SLC25A31: variants seen among roughly 807,000 people sequenced by gnomAD.
SLC25A31 encodes the protein solute carrier family 25 member 31.
A neutral mutation model predicts 36.2 loss-of-function variants in SLC25A31; 40 were observed. That is an observed-to-expected ratio of 1.10 (90% CI 0.86 to 1.44). SLC25A31 has a LOEUF of 1.44. SLC25A31 is among the 40% of genes most tolerant of loss of function. The probability of loss-of-function intolerance (pLI) is 0.00; values close to 1 mark genes in which losing one functional copy is unlikely to be tolerated. For missense variants in SLC25A31, 350 were observed against 397.1 expected, an observed-to-expected ratio of 0.88 and a Z score of 1.01; for synonymous variants, 143 against 149.7, an observed-to-expected ratio of 0.96 and a Z score of 0.32.
chr4:127,755,116 TATCTC>T (rs1246019283), intron 2 of SLC25A31, among the ~76,000 whole-genome samples: 3 of 152,210 alleles, frequency 2.0e-5, no homozygotes, highest in Admixed American at 6.5e-5. Flanking sequence ...ATTGGACTCT[TATCTC>T]ACACCATATA....
intron 5 of SLC25A31, among the ~76,000 whole-genome samples, chr4:127,771,653 A>C (rs1455740091): frequency 6.6e-6 from 1 of 152,164 alleles, no homozygotes; most frequent in Admixed American, 6.5e-5. Context: ...TATATTTACA[A>C]AGTAGTAACT....
At chr4:127,738,407 A>G (rs536885768) in intron 1 of SLC25A31, among the ~76,000 whole-genome samples, 81 of 152,256 alleles carry the variant, frequency 5.3e-4, no homozygotes, top group African/African-American at 1.8e-3. Flanking sequence ...TAATTTCCAT[A>G]TAATTTGTGC....
At chr4:127,753,276 T>C (rs1209355343) in intron 2 of SLC25A31, among the ~76,000 whole-genome samples, 2 of 150,586 alleles carry the variant, frequency 1.3e-5, no homozygotes, top group Admixed American at 6.6e-5. Flanking sequence ...CTTATAGAAC[T>C]AGAAAAAGAA....
chr4:127,761,301 T>C (rs1468127632), intron 2 of SLC25A31, among the ~76,000 whole-genome samples: 1 of 152,178 alleles, frequency 6.6e-6, no homozygotes, highest in African/African-American at 2.4e-5. Flanking sequence ...CTGCCTTCTT[T>C]CTCATCAAGA....
chr4:127,759,063 G>C (rs538359619), intron 2 of SLC25A31, among the ~76,000 whole-genome samples: 3 of 152,294 alleles, frequency 2.0e-5, no homozygotes, highest in Admixed American at 2.0e-4. Context: ...GCTTTGGGCA[G>C]TATGGTCATT....
At chr4:127,751,260 A>T (rs1731925677) in intron 2 of SLC25A31, among the ~76,000 whole-genome samples, 1 of 152,196 alleles carries the variant, frequency 6.6e-6, no homozygotes, top group Non-Finnish European at 1.5e-5. Context: ...GCCCTCAGAA[A>T]TAATACCAGG....
intron 2 of SLC25A31, among the ~76,000 whole-genome samples, chr4:127,749,285 A>G (rs770622588): frequency 6.6e-5 from 10 of 152,250 alleles, no homozygotes; most frequent in East Asian, 1.9e-4. Context: ...GACACCATCA[A>G]ATGTACAAAT....
chr4:127,735,402 T>C (rs960506783), intron 1 of SLC25A31, among the ~76,000 whole-genome samples: 19 of 152,320 alleles, frequency 1.2e-4, no homozygotes, highest in Non-Finnish European at 1.9e-4. Flanking sequence ...AACATTCAAG[T>C]TTCCCTAACA....
At chr4:127,730,901 A>C (rs1424759265) in intron 1 of SLC25A31, 124 bp downstream of exon 1, 18 of 944,398 alleles carry the variant, frequency 1.9e-5, no homozygotes, top group Non-Finnish European at 2.0e-5. Flanking sequence ...GTCGGTGATG[A>C]ATTTGCTTCT....
At chr4:127,731,128 G>A (rs187635335) in intron 1 of SLC25A31, among the ~76,000 whole-genome samples, 1 of 152,296 alleles carries the variant, frequency 6.6e-6, no homozygotes, top group Non-Finnish European at 1.5e-5. Flanking sequence ...GCTATAACTA[G>A]TGCTCTAAGT....
At chr4:127,750,462 G>A (rs1164879798) in intron 2 of SLC25A31, among the ~76,000 whole-genome samples, 4 of 152,116 alleles carry the variant, frequency 2.6e-5, no homozygotes, top group Non-Finnish European at 2.9e-5. Context: ...ATTGTAATTT[G>A]AACCATTTGT....
Position 127,742,486 on chromosome 4 carries a change from A to G in SLC25A31, c.233-2186A>G, listed in dbSNP as rs556015658. Among the ~76,000 whole-genome samples, 4 of 152,274 alleles carry G rather than the reference A, an allele frequency of 2.6e-5. No individual in the cohort carries two copies. In the South Asian group the frequency reaches 8.3e-4, roughly 32 times the overall value. On this transcript the variant is annotated intron_variant, in intron 1 of 5. Transcript: ENST00000281154. ...TAGTTACATTTCTTTTCTGCTATAT[A>G]AACTCCTAATTTTAGTGCATGAAAG...
intron 2 of SLC25A31, among the ~76,000 whole-genome samples, chr4:127,746,190 C>T (rs1398653101): frequency 6.6e-6 from 1 of 152,158 alleles, no homozygotes; most frequent in Non-Finnish European, 1.5e-5. Context: ...ACCACATTTT[C>T]TTTATCCAAT....
intron 2 of SLC25A31, among the ~76,000 whole-genome samples, chr4:127,760,213 C>T (rs187256708): frequency 6.6e-6 from 1 of 152,138 alleles, no homozygotes; most frequent in African/African-American, 2.4e-5. Context: ...TTTATAGTCT[C>T]TCTGTATATT....
chr4:127,737,558 T>C (rs990184338), intron 1 of SLC25A31, among the ~76,000 whole-genome samples: 2 of 152,052 alleles, frequency 1.3e-5, no homozygotes, highest in South Asian at 2.1e-4. Context: ...TACTACTCTT[T>C]TTTTTTTTTT....
chr4:127,762,233 ATAT>A lies in SLC25A31; in HGVS notation c.361-2005_361-2003del, dbSNP rs1225756727. Among the ~76,000 whole-genome samples, 4 of 152,370 alleles carry A rather than the reference ATAT, an allele frequency of 2.6e-5. No individual in the cohort carries two copies. The East Asian group carries it at 7.7e-4, about 29-fold the overall frequency. On this transcript the variant is annotated intron_variant, in intron 2 of 5. Coordinates refer to ENST00000281154, the MANE Select transcript of SLC25A31 (RefSeq NM_031291.4). ...GAGTAGATAATGTTCATAAAATAGAATATTATTTGGCAATAAAAAGGAATGAAG... is the reference window on the plus strand; with the variant it reads ...GAGTAGATAATGTTCATAAAATAGAATATTTGGCAATAAAAAGGAATGAAG...
chr4:127,771,853 C>A (rs1004530893), intron 5 of SLC25A31, among the ~76,000 whole-genome samples: 1 of 152,126 alleles, frequency 6.6e-6, no homozygotes, highest in African/African-American at 2.4e-5. Flanking sequence ...ATGATTAAAC[C>A]TTTTTTTCTT....
intron 1 of SLC25A31, among the ~76,000 whole-genome samples, chr4:127,743,659 G>C (rs886846950): frequency 6.6e-6 from 1 of 152,078 alleles, no homozygotes; most frequent in Admixed American, 6.5e-5. Context: ...TTATTTCTTT[G>C]CCATTAAATA....
intron 4 of SLC25A31, among the ~76,000 whole-genome samples, chr4:127,767,970 A>G (rs1732277565): frequency 1.3e-5 from 2 of 151,990 alleles, no homozygotes; most frequent in Admixed American, 6.6e-5. Context: ...TAATAAAAAA[A>G]TAAAATCCCC....
Sources: allele counts gnomAD v4.1 joint callset (sites outside exome capture counted in the v4.1 genomes callset), GRCh38; gene constraint gnomAD v4.1.1; transcripts MANE v1.5; gene names NCBI Gene and HGNC (gene_info 2026-07-23, HGNC 2026-07-21).